KHDRBS2: variants seen among roughly 807,000 people sequenced by gnomAD.
KHDRBS2 encodes KH domain-containing, RNA-binding, signal transduction-associated protein 2.
A neutral mutation model predicts 44.3 loss-of-function variants in KHDRBS2; 26 were observed. The ratio of observed to expected loss-of-function variants is 0.59; its 90% confidence interval spans 0.43 to 0.81. KHDRBS2 has a LOEUF of 0.81. KHDRBS2 is among the 40% of genes least tolerant of loss of function. KHDRBS2 has a pLI of 0.00. For missense variants in KHDRBS2, 476 were observed against 433.1 expected (o/e 1.10, Z -0.88); for synonymous variants, 194 against 151.1 (o/e 1.28, Z -2.08).
At chr6:61,567,740 C>T in the KHDRBS2 span, among the ~76,000 whole-genome samples, 2 of 151,972 alleles carry the variant, frequency 1.3e-5, no homozygotes, top group African/African-American at 4.8e-5. Flanking sequence ...CCCTGCTCTT[C>T]CCTGACACAA....
intron 1 of KHDRBS2, among the ~76,000 whole-genome samples, chr6:62,245,549 T>C (rs929263583): frequency 6.6e-6 from 1 of 152,140 alleles, no homozygotes; most frequent in East Asian, 1.9e-4. Flanking sequence ...GCCAGGATCA[T>C]CCCAAACAAT....
chr6:61,948,832 C>A lies in KHDRBS2; in HGVS notation c.483+29234G>T, dbSNP rs187478294. ...TAGCTTATACCTCATATATTCCAAA[C>A]CCTTACAAATCAGTGGCTTTGGTGA... is the stretch of plus-strand genomic sequence containing the variant. On this transcript the variant is annotated intron_variant, in intron 4 of 8. Transcript: ENST00000281156. 2.3e-4 allele frequency among the ~76,000 whole-genome samples: 35 copies of A among 151,906 alleles called. No homozygotes were observed. The East Asian group carries it at 6.0e-3, about 26-fold the overall frequency.
the KHDRBS2 span, among the ~76,000 whole-genome samples, chr6:61,598,947 C>A: frequency 7.6e-6 from 1 of 131,760 alleles, no homozygotes; most frequent in Admixed American, 8.3e-5. Flanking sequence ...GTTTTTGTTT[C>A]TTTTGAGACA....
chr6:61,982,655 A>G (rs1471656278), intron 3 of KHDRBS2, among the ~76,000 whole-genome samples: 1 of 149,506 alleles, frequency 6.7e-6, no homozygotes, highest in Non-Finnish European at 1.5e-5. Context: ...TGGGCGACAG[A>G]GCCAAACTCT....
At chr6:61,644,847 A>G in the KHDRBS2 span, among the ~76,000 whole-genome samples, 1 of 152,202 alleles carries the variant, frequency 6.6e-6, no homozygotes, top group Admixed American at 6.6e-5. Context: ...GAATACTTAT[A>G]TACTACTTGT....
intron 6 of KHDRBS2, among the ~76,000 whole-genome samples, chr6:61,809,112 A>G (rs1300546499): frequency 6.6e-6 from 1 of 152,162 alleles, no homozygotes; most frequent in Non-Finnish European, 1.5e-5. Context: ...ACTGTCATGC[A>G]ATGGTATCAC....
intron 6 of KHDRBS2, among the ~76,000 whole-genome samples, chr6:61,803,651 A>G (rs576806170): frequency 9.2e-5 from 14 of 152,268 alleles, no homozygotes; most frequent in Admixed American, 3.9e-4. Context: ...TATGCCATGA[A>G]GAAATGCTCA....
chr6:61,764,105 T>C (rs1305298323), intron 6 of KHDRBS2, among the ~76,000 whole-genome samples: 1 of 152,176 alleles, frequency 6.6e-6, no homozygotes, highest in Non-Finnish European at 1.5e-5. Context: ...GTTCCTGTGT[T>C]AATTTGCTGA....
intron 4 of KHDRBS2, among the ~76,000 whole-genome samples, chr6:61,921,242 C>T (rs1808005682): frequency 1.3e-5 from 2 of 151,952 alleles, no homozygotes; most frequent in African/African-American, 2.4e-5. Flanking sequence ...ATGCTCCTGT[C>T]ATTTCCACTG....
chr6:61,717,070 CTT>C (rs1010273061), intron 7 of KHDRBS2, among the ~76,000 whole-genome samples: 68 of 152,082 alleles, frequency 4.5e-4, no homozygotes, highest in African/African-American at 1.6e-3. Flanking sequence ...TCTTGAGAGA[CTT>C]GTCATTCATG....
At chr6:61,622,753 T>A in the KHDRBS2 span, among the ~76,000 whole-genome samples, 1 of 152,106 alleles carries the variant, frequency 6.6e-6, no homozygotes, top group Non-Finnish European at 1.5e-5. Context: ...AGGATTGTAT[T>A]GCATGGAAGA....
chr6:62,001,851 T>C (rs1009526382), intron 3 of KHDRBS2, among the ~76,000 whole-genome samples: 1 of 152,146 alleles, frequency 6.6e-6, no homozygotes, highest in African/African-American at 2.4e-5. Flanking sequence ...TGCTTACTAC[T>C]GACACATCTA....
At chr6:61,601,397 A>T in the KHDRBS2 span, among the ~76,000 whole-genome samples, 3 of 152,056 alleles carry the variant, frequency 2.0e-5, no homozygotes, top group Non-Finnish European at 4.4e-5. Context: ...TTCAACTCAC[A>T]TCTGACTTAA....
chr6:61,875,677 C>T (rs1045143062), intron 6 of KHDRBS2, among the ~76,000 whole-genome samples: 3 of 152,056 alleles, frequency 2.0e-5, no homozygotes, highest in African/African-American at 7.2e-5. Context: ...CAACACATGT[C>T]ATTAAAATCA....
intron 7 of KHDRBS2, among the ~76,000 whole-genome samples, chr6:61,729,867 G>A (rs1420255879): frequency 6.6e-6 from 1 of 151,954 alleles, no homozygotes; most frequent in Non-Finnish European, 1.5e-5. Flanking sequence ...AGAAATATAT[G>A]TTTTGCTAAT....
At chr6:61,705,592 C>G (rs1483107050) in intron 7 of KHDRBS2, among the ~76,000 whole-genome samples, 1 of 151,814 alleles carries the variant, frequency 6.6e-6, no homozygotes, top group Non-Finnish European at 1.5e-5. Flanking sequence ...AATAGTCACT[C>G]TCATTTGTAT....
chr6:61,911,044 C>T, intron 4 of KHDRBS2, among the ~76,000 whole-genome samples: 1 of 152,090 alleles, frequency 6.6e-6, no homozygotes, highest in African/African-American at 2.4e-5. Context: ...AGTATGATCT[C>T]TTGGGCCCAA....
At chr6:61,803,511 T>C (rs1456364378) in intron 6 of KHDRBS2, among the ~76,000 whole-genome samples, 7 of 152,172 alleles carry the variant, frequency 4.6e-5, no homozygotes, top group Non-Finnish European at 1.0e-4. Flanking sequence ...GAATTGTTCA[T>C]GGCATTTTTA....
intron 6 of KHDRBS2, among the ~76,000 whole-genome samples, chr6:61,738,668 T>C (rs991882510): frequency 6.6e-6 from 1 of 152,008 alleles, no homozygotes; most frequent in African/African-American, 2.4e-5. Flanking sequence ...AATACGTGTG[T>C]GTTACCATAA....
Sources: allele counts gnomAD v4.1 joint callset (sites outside exome capture counted in the v4.1 genomes callset), GRCh38; gene constraint gnomAD v4.1.1; transcripts MANE v1.5; gene names NCBI Gene and HGNC (gene_info 2026-07-23, HGNC 2026-07-21).